The following WNT7A variants were observed in gnomAD, a reference collection of about 807,000 sequenced individuals.
The protein encoded by WNT7A is protein Wnt-7a.
WNT7A carries 16 observed loss-of-function variants against 28.2 expected under a neutral mutation model. The ratio of observed to expected loss-of-function variants is 0.57; its 90% confidence interval spans 0.38 to 0.86. The LOEUF is 0.86. WNT7A is among the 40% of genes least tolerant of loss of function. The probability of loss-of-function intolerance (pLI) is 0.00; values close to 1 mark genes in which losing one functional copy is unlikely to be tolerated. For synonymous variants in WNT7A, 190 were observed against 195.9 expected (o/e 0.97, Z 0.25); for missense variants, 411 against 489.7 (o/e 0.84, Z 1.52).
intron 3 of WNT7A, among the ~76,000 whole-genome samples, chr3:13,844,596 C>T (rs1442758052): frequency 6.6e-6 from 1 of 152,182 alleles, no homozygotes; most frequent in Admixed American, 6.5e-5. Context: ...AACGGAGTAA[C>T]CCCAGGAAAG....
chr3:13,874,996 G>A lies in WNT7A; in HGVS notation c.249C>T (p.Asn83=), dbSNP rs752933627. ...CQFQFRNGRW[N]CSALGERTVF... Reference sequence around the variant, plus strand: ...CGGTGCGCTCTCCCAGTGCAGAGCAGTTCCAGCGGCCATTGCGGAACTGAA... The same window carrying A: ...CGGTGCGCTCTCCCAGTGCAGAGCAATTCCAGCGGCCATTGCGGAACTGAA... The change falls in exon 2 of 4, where the codon AAC becomes AAT. Residue 83 remains asparagine (N), a synonymous_variant. Coordinates refer to ENST00000285018, the MANE Select transcript of WNT7A (RefSeq NM_004625.4). 6 of 1,614,112 alleles carry A rather than the reference G, an allele frequency of 3.7e-6. No individual in the cohort carries two copies. In the Admixed American group the frequency reaches 1.0e-4, roughly 27 times the overall value.
rs147197297 is a variant in WNT7A, at chr3:13,849,344, G to A, written c.570+5188C>T. On this transcript the variant is annotated intron_variant, in intron 3 of 3. Coordinates refer to ENST00000285018, the MANE Select transcript of WNT7A (RefSeq NM_004625.4). ...GGTTAAATCTGAATTTGAGATACAT[G>A]GCGAATCATTTTTTAGTATGTCTTG... Among the ~76,000 whole-genome samples the A allele has an allele frequency of 1.6e-4, 24 of 152,246 alleles. No homozygotes were observed. The East Asian group carries it at 4.6e-3, about 29-fold the overall frequency.
intron 3 of WNT7A, among the ~76,000 whole-genome samples, chr3:13,837,156 C>T (rs1450083438): frequency 6.6e-6 from 1 of 152,138 alleles, no homozygotes; most frequent in African/African-American, 2.4e-5. Flanking sequence ...CACCCACTGC[C>T]TCTCAGCCCC....
intron 2 of WNT7A, among the ~76,000 whole-genome samples, chr3:13,871,422 T>G (rs1695024341): frequency 6.6e-6 from 1 of 152,088 alleles, no homozygotes; most frequent in Non-Finnish European, 1.5e-5. Context: ...CTCAGGGGCA[T>G]TTCAGACTCT....
chr3:13,867,622 G>A lies in WNT7A; in HGVS notation c.298+7325C>T, dbSNP rs548391833. On this transcript the variant is annotated intron_variant, in intron 2 of 3. Coordinates refer to ENST00000285018, the MANE Select transcript of WNT7A (RefSeq NM_004625.4). The stretch of plus-strand genomic sequence containing the variant: ...GTGAAAAGATACAAGATAGAGTGAA[G>A]CCTCCCACAGCCCACTCACCCTGAG... Among the ~76,000 whole-genome samples the A allele has an allele frequency of 3.9e-5, 6 of 152,210 alleles. No individual in the cohort carries two copies. The South Asian group carries it at 1.2e-3, about 32-fold the overall frequency.
At chr3:13,820,823 T>C (rs1420090916) in intron 3 of WNT7A, among the ~76,000 whole-genome samples, 1 of 152,136 alleles carries the variant, frequency 6.6e-6, no homozygotes, top group African/African-American at 2.4e-5. Context: ...AGCCACCACA[T>C]TTCAACCTCA....
intron 3 of WNT7A, among the ~76,000 whole-genome samples, chr3:13,844,668 C>T (rs747703307): frequency 3.3e-5 from 5 of 152,236 alleles, no homozygotes; most frequent in African/African-American, 4.8e-5. Context: ...GCAGCCTTGA[C>T]AGTGTCTCAA....
At chr3:13,844,102 C>T (rs1694502877) in intron 3 of WNT7A, among the ~76,000 whole-genome samples, 1 of 151,978 alleles carries the variant, frequency 6.6e-6, no homozygotes, top group African/African-American at 2.4e-5. Flanking sequence ...TCCAAAAATA[C>T]ACACACACAC....
intron 2 of WNT7A, among the ~76,000 whole-genome samples, chr3:13,867,324 G>A (rs1694927249): frequency 6.6e-6 from 1 of 152,154 alleles, no homozygotes; most frequent in Non-Finnish European, 1.5e-5. Flanking sequence ...CACACCTGCA[G>A]CAAGACAAGG....
intron 3 of WNT7A, among the ~76,000 whole-genome samples, chr3:13,838,783 C>T (rs1221130033): frequency 6.6e-6 from 1 of 152,170 alleles, no homozygotes; most frequent in Admixed American, 6.5e-5. Flanking sequence ...ATGGAGTGGA[C>T]TTTCCAGAAG....
intron 2 of WNT7A, among the ~76,000 whole-genome samples, chr3:13,855,843 C>T (rs1694720378): frequency 6.6e-6 from 1 of 152,130 alleles, no homozygotes; most frequent in Non-Finnish European, 1.5e-5. Flanking sequence ...CCCTGGAACC[C>T]AGAGCAGGCA....
rs1035757006 is a variant in WNT7A at position 13,847,344 on chromosome 3, G to C, written c.570+7188C>G. Among the ~76,000 whole-genome samples, 19 of 152,292 alleles carry C rather than the reference G, an allele frequency of 1.2e-4. No homozygotes were observed. In the South Asian group the frequency reaches 4.0e-3, roughly 32 times the overall value. The stretch of plus-strand genomic sequence containing the variant: ...TCATCCAGCTCAGCTCCCCGACCCT[G>C]GCCAGCTCTAGGGAGCGGAAGGGAG... On this transcript the variant is annotated intron_variant, in intron 3 of 3. Transcript: ENST00000285018.
chr3:13,830,160 C>G (rs534383843), intron 3 of WNT7A, among the ~76,000 whole-genome samples: 1 of 152,140 alleles, frequency 6.6e-6, no homozygotes, highest in African/African-American at 2.4e-5. Flanking sequence ...CTCCCCCAAG[C>G]AGGAGGCTCG....
intron 2 of WNT7A, among the ~76,000 whole-genome samples, chr3:13,856,905 G>GAAGAAGAAGAAA (rs1559303222): frequency 6.8e-4 from 45 of 65,976 alleles, no homozygotes; most frequent in African/African-American, 5.1e-4. Flanking sequence ...AGAAGAAGAA[G>GAAGAAGAAGAAA]AAGAAGAAGA....
intron 1 of WNT7A, 46 bp downstream of exon 1, chr3:13,879,700 C>A (rs771995645): frequency 3.1e-6 from 5 of 1,595,518 alleles, no homozygotes; most frequent in South Asian, 1.1e-5. Flanking sequence ...CCGGGCCGTG[C>A]CAACTTTGTC....
chr3:13,845,287 C>T (rs553317506), intron 3 of WNT7A, among the ~76,000 whole-genome samples: 7 of 152,222 alleles, frequency 4.6e-5, no homozygotes, highest in African/African-American at 1.2e-4. Flanking sequence ...GCCCTTACTC[C>T]GTGCCCGCCA....
At chr3:13,843,435 G>A (rs1307677311) in intron 3 of WNT7A, among the ~76,000 whole-genome samples, 1 of 152,130 alleles carries the variant, frequency 6.6e-6, no homozygotes, top group Non-Finnish European at 1.5e-5. Flanking sequence ...CTGCCCAAGG[G>A]CACACAGCAA....
Position 13,819,133 on chromosome 3 carries a change from C to A in WNT7A, c.861G>T (p.Val287=). The stretch of plus-strand genomic sequence containing the variant: ...TGTTGCAGGCGCGGCCCTGGGTGCC[C>A]ACACTGCCGGTCACCGGGTCCTCCT... ...YCEEDPVTGS[V]GTQGRACNKT... Residue 287 remains valine, a synonymous_variant, in exon 4 of 4, where the codon GTG becomes GTT. Transcript: ENST00000285018. 6.2e-7 allele frequency: 1 copy of A among 1,614,192 alleles called. No individual in the cohort carries two copies.
At chr3:13,843,039 C>CG (rs1694486492) in intron 3 of WNT7A, among the ~76,000 whole-genome samples, 1 of 152,154 alleles carries the variant, frequency 6.6e-6, no homozygotes, top group Non-Finnish European at 1.5e-5. Flanking sequence ...ACCAGCGTGG[C>CG]CTTGCCATGG....
Sources: allele counts gnomAD v4.1 joint callset (sites outside exome capture counted in the v4.1 genomes callset), GRCh38; gene constraint gnomAD v4.1.1; transcripts MANE v1.5; gene names NCBI Gene and HGNC (gene_info 2026-07-23, HGNC 2026-07-21).